Variants in NR6A1 observed in about 807,000 individuals in gnomAD.
The protein encoded by NR6A1 is retinoic acid receptor-related testis-associated receptor.
A neutral mutation model predicts 59.1 loss-of-function variants in NR6A1; 7 were observed. That is an observed-to-expected ratio of 0.12 (90% CI 0.07 to 0.22). NR6A1 has a LOEUF of 0.22. Ranked by LOEUF, NR6A1 falls within the 10% of genes least tolerant of loss-of-function variation. NR6A1 has a pLI of 1.00. For missense variants in NR6A1, 468 were observed against 611.6 expected, an observed-to-expected ratio of 0.77 and a Z score of 2.48; for synonymous variants, 243 against 236.1, an observed-to-expected ratio of 1.03 and a Z score of -0.27.
In NR6A1 at chr9:124,661,693, A is replaced by G. The variant is rs1019961759; in HGVS notation, c.142+71615T>C. Among the ~76,000 whole-genome samples the G allele has an allele frequency of 8.5e-5, 13 of 152,206 alleles. 1 individual carries two copies. The highest frequency in any genetic ancestry group is 1.5e-5 in the Non-Finnish European group (1 of 68,032). On this transcript the variant is annotated intron_variant, in intron 2 of 9. Coordinates refer to ENST00000487099, the MANE Select transcript of NR6A1 (RefSeq NM_033334.4). ...CAACAATTGGGCTTCCTCAAATACT[A>G]TTATTACTCACCAAACACAAACATC... is the stretch of plus-strand genomic sequence containing the variant.
intron 2 of NR6A1, chr9:124,693,860 T>C: frequency 2.0e-6 from 1 of 497,300 alleles, no homozygotes; most frequent in South Asian, 1.5e-5. Flanking sequence ...CTGCTGTGAG[T>C]GGGAGCTGCT....
intron 1 of NR6A1, among the ~76,000 whole-genome samples, chr9:124,755,770 A>C (rs16927631): frequency 0.023 from 3,542 of 152,210 alleles, 130 homozygotes; most frequent in African/African-American, 0.079. Context: ...TTTTACACTG[A>C]CTGAGTATAA....
chr9:124,671,993 T>C (rs149971632), intron 2 of NR6A1, among the ~76,000 whole-genome samples: 5 of 152,332 alleles, frequency 3.3e-5, no homozygotes, highest in African/African-American at 7.2e-5. Flanking sequence ...AGGTAACCAC[T>C]ATTCTGATCT....
At chr9:124,595,293 G>A (rs1301492773) in intron 2 of NR6A1, among the ~76,000 whole-genome samples, 2 of 152,122 alleles carry the variant, frequency 1.3e-5, no homozygotes, top group Non-Finnish European at 2.9e-5. Context: ...CCTACCAGAG[G>A]ATGAGGTTGC....
At chr9:124,644,897 T>G (rs1449693846) in intron 2 of NR6A1, among the ~76,000 whole-genome samples, 1 of 152,210 alleles carries the variant, frequency 6.6e-6, no homozygotes, top group African/African-American at 2.4e-5. Flanking sequence ...AATATTCTGT[T>G]TTGTGGTATT....
chr9:124,651,389 A>G (rs1239598981), intron 2 of NR6A1, among the ~76,000 whole-genome samples: 1 of 152,192 alleles, frequency 6.6e-6, no homozygotes. Context: ...CTTTTATCTC[A>G]GCCAAAAATT....
chr9:124,527,032 A>C, intron 7 of NR6A1, 132 bp from the exon 8 acceptor site: 1 of 1,064,190 alleles, frequency 9.4e-7, no homozygotes, highest in Non-Finnish European at 1.4e-6. Flanking sequence ...CCACTTGGGA[A>C]GTACAGGCAG....
chr9:124,665,010 CAAAAAAAAA>C (rs59451556), intron 2 of NR6A1, among the ~76,000 whole-genome samples: 1 of 13,744 alleles, frequency 7.3e-5, no homozygotes, highest in African/African-American at 1.4e-4. Context: ...CTTGTATCTC[CAAAAAAAAA>C]AAAAAAAAAA....
chr9:124,690,282 T>G (rs1007358270), intron 2 of NR6A1, among the ~76,000 whole-genome samples: 7 of 152,146 alleles, frequency 4.6e-5, no homozygotes, highest in African/African-American at 1.7e-4. Flanking sequence ...TTTATTGAGT[T>G]TATGCTTATT....
chr9:124,753,043 T>C (rs1691261658), intron 1 of NR6A1, among the ~76,000 whole-genome samples: 1 of 152,204 alleles, frequency 6.6e-6, no homozygotes, highest in African/African-American at 2.4e-5. Context: ...CTCAGTTTAC[T>C]CATTTGTAAA....
rs541402760 is a variant in NR6A1, at chr9:124,619,284, G to A, written c.143-64714C>T. Among the ~76,000 whole-genome samples, 16 of 152,052 alleles carry A rather than the reference G, an allele frequency of 1.1e-4. 1 individual carries two copies. The South Asian group carries it at 3.1e-3, about 30-fold the overall frequency. ...TAATTAAAAAAAAAATTTTTTTTGA[G>A]ACAGGGTCTCCCTCTGTCGCCCAGG... On this transcript the variant is annotated intron_variant, in intron 2 of 9. Coordinates refer to ENST00000487099, the MANE Select transcript of NR6A1 (RefSeq NM_033334.4).
intron 2 of NR6A1, among the ~76,000 whole-genome samples, chr9:124,637,010 T>C (rs1362893463): frequency 1.3e-5 from 2 of 152,144 alleles, no homozygotes; most frequent in African/African-American, 4.8e-5. Context: ...AATAAACTAA[T>C]GTACTTACTA....
intron 2 of NR6A1, among the ~76,000 whole-genome samples, chr9:124,662,914 G>A (rs555267833): frequency 1.3e-5 from 2 of 152,314 alleles, no homozygotes; most frequent in East Asian, 3.9e-4. Flanking sequence ...ACAAAGCAAT[G>A]ATCTCCAAAT....
chr9:124,532,429 C>T (rs1833128940), intron 7 of NR6A1, among the ~76,000 whole-genome samples: 1 of 152,234 alleles, frequency 6.6e-6, no homozygotes, highest in Non-Finnish European at 1.5e-5. Context: ...GCCCCGCCAT[C>T]TCCACCAACA....
chr9:124,525,442 T>C (rs935631115), intron 8 of NR6A1, among the ~76,000 whole-genome samples: 7 of 152,084 alleles, frequency 4.6e-5, no homozygotes, highest in African/African-American at 1.4e-4. Context: ...AACAGCTCAC[T>C]GCAGCTGGCT....
Position 124,539,369 on chromosome 9 carries a change from C to T in NR6A1, c.596+664G>A, listed in dbSNP as rs115837360. 5.0e-3 allele frequency among the ~76,000 whole-genome samples: 766 copies of T among 152,322 alleles called. 4 individuals carry two copies. The highest frequency in any genetic ancestry group is 0.018 in the African/African-American group (733 of 41,574). On this transcript the variant is annotated intron_variant, in intron 5 of 9. Coordinates refer to ENST00000487099, the MANE Select transcript of NR6A1 (RefSeq NM_033334.4). The stretch of plus-strand genomic sequence containing the variant: ...GTCCATGGCCATAGCTGTTTTCACA[C>T]TACAAAGGCAGAATGGAGAAGCTGA...
rs889871039 is a variant in NR6A1 at position 124,562,427 on chromosome 9, G to GT, written c.143-7858dup. Among the ~76,000 whole-genome samples the GT allele has an allele frequency of 2.8e-3, 411 of 147,348 alleles. 2 individuals are homozygous for GT. The highest frequency in any genetic ancestry group is 5.7e-3 in the African/African-American group (229 of 40,324). The stretch of plus-strand genomic sequence containing the variant: ...TTAGGTTCAATGTAAAATGTTTTTT[G>GT]TTTTTTTTTTGGATACAGGGTTCAT... On this transcript the variant is annotated intron_variant, in intron 2 of 9. Coordinates refer to ENST00000487099, the MANE Select transcript of NR6A1 (RefSeq NM_033334.4).
chr9:124,664,208 A>G (rs990486297), intron 2 of NR6A1, among the ~76,000 whole-genome samples: 1 of 152,252 alleles, frequency 6.6e-6, no homozygotes, highest in South Asian at 2.1e-4. Flanking sequence ...ATGATGCCAA[A>G]TAAGTGAAAA....
chr9:124,744,817 G>A (rs768822947), intron 1 of NR6A1, among the ~76,000 whole-genome samples: 1 of 152,216 alleles, frequency 6.6e-6, no homozygotes, highest in Non-Finnish European at 1.5e-5. Context: ...TTCAGAAAGT[G>A]CCCCACACCA....
Sources: gnomAD v4.1 joint callset for allele counts (sites outside exome capture counted in the v4.1 genomes callset) on GRCh38, gnomAD v4.1.1 for gene constraint, MANE v1.5 for transcripts, NCBI Gene and HGNC (gene_info 2026-07-23, HGNC 2026-07-21) for gene names.